Variants in OTOG observed in about 807,000 individuals in gnomAD.
The protein encoded by OTOG is otogelin.
Under a neutral mutation model 313.8 loss-of-function variants are expected in OTOG, and 296 were observed. The observed-to-expected ratio is 0.94, with a 90% CI of 0.86 to 1.04. OTOG has a LOEUF of 1.04. Ranked by LOEUF, OTOG falls within the 50% of genes least tolerant of loss-of-function variation. The pLI, the probability that OTOG is intolerant of heterozygous loss-of-function variation, is 0.00. For missense variants in OTOG, 3,948 were observed against 3,840.1 expected (o/e 1.03, Z -0.74); for synonymous variants, 1,533 against 1,554.9 (o/e 0.99, Z 0.33).
chr11:17,589,524 C>T (rs1477704755), intron 24 of OTOG, among the ~76,000 whole-genome samples: 1 of 152,200 alleles, frequency 6.6e-6, no homozygotes, highest in Non-Finnish European at 1.5e-5. Flanking sequence ...CACTTGTCCA[C>T]CTAAGGGAAC....
chr11:17,616,116 G>A (rs1046014125), intron 39 of OTOG, among the ~76,000 whole-genome samples: 5 of 151,916 alleles, frequency 3.3e-5, no homozygotes, highest in African/African-American at 1.2e-4. Context: ...CTAGAGTGTG[G>A]TGGTGCAATG....
At chr11:17,577,028 G>A (rs1201913831) in intron 22 of OTOG, 117 bp downstream of exon 22, 1 of 1,048,144 alleles carries the variant, frequency 9.5e-7, no homozygotes, top group Non-Finnish European at 1.4e-6. Context: ...CCTACATTGG[G>A]CCTTCCGTAT....
At position 17,642,330 on chromosome 11, in the gene OTOG, G is replaced by A. The variant is rs111474158; in HGVS notation, c.8415+84G>A. ...GGTGGGGTGGAGGTCCTGTGTGCAGGAGTGCAGGAAGAAGGGCTCCCTGGA... is the reference window on the plus strand; with the variant it reads ...GGTGGGGTGGAGGTCCTGTGTGCAGAAGTGCAGGAAGAAGGGCTCCCTGGA... On this transcript the variant is annotated intron_variant, in intron 53 of 55. Transcript: ENST00000399397. 6.2e-6 allele frequency: 9 copies of A among 1,449,800 alleles called. No individual in the cohort carries two copies. The African/African-American group carries it at 1.3e-4, about 21-fold the overall frequency. 89.8% of individuals were successfully genotyped at this position (1,449,800 alleles called of 1,614,324 possible). A position where few individuals can be genotyped will look rare whatever the true frequency, so the allele number is the denominator to read the frequency against.
At chr11:17,579,846 C>A in intron 23 of OTOG, among the ~76,000 whole-genome samples, 1 of 152,162 alleles carries the variant, frequency 6.6e-6, no homozygotes, top group South Asian at 2.1e-4. Flanking sequence ...GACTGGAGAC[C>A]GGGAGACCGG....
At chr11:17,596,530 T>C (rs531349293) in intron 29 of OTOG, among the ~76,000 whole-genome samples, 1 of 152,338 alleles carries the variant, frequency 6.6e-6, no homozygotes, top group South Asian at 2.1e-4. Context: ...CTGCAGGCCT[T>C]GAAGGCTGCT....
chr11:17,595,229 C>T (rs138748974), intron 28 of OTOG, among the ~76,000 whole-genome samples: 1 of 152,258 alleles, frequency 6.6e-6, no homozygotes, highest in African/African-American at 2.4e-5. Context: ...CTAACACACC[C>T]CCATTTTAGA....
At chr11:17,643,574 G>A in intron 54 of OTOG, 68 bp downstream of exon 54, 1 of 1,200,546 alleles carries the variant, frequency 8.3e-7, no homozygotes. Context: ...CATGTCAGGG[G>A]ACAGAGGACC....
In OTOG at chr11:17,558,169, C is replaced by G; in HGVS notation, c.866-16C>G. The G allele has an allele frequency of 6.5e-7, 1 of 1,550,348 alleles. No individual in the cohort carries two copies. On this transcript the variant is annotated splice_polypyrimidine_tract_variant and intron_variant, in intron 8 of 55. Coordinates refer to ENST00000399397, the MANE Select transcript of OTOG (RefSeq NM_001292063.2). ...CCCCATCGCTGCCCCATCATGATGT[C>G]AGCTCCCTCCTCCAGGGAAGCTGAC...
At chr11:17,551,948 A>C in intron 3 of OTOG, 52 bp from the exon 4 acceptor site, 1 of 1,506,968 alleles carries the variant, frequency 6.6e-7, no homozygotes, top group Non-Finnish European at 9.0e-7. Flanking sequence ...CTGCCTGGGA[A>C]CCCGTCCTGA....
intron 17 of OTOG, 89 bp downstream of exon 17, chr11:17,570,479 C>A: frequency 1.6e-6 from 2 of 1,268,184 alleles, no homozygotes; most frequent in South Asian, 1.4e-5. Flanking sequence ...ATGTCTCTCC[C>A]GTGAGCCTTC....
chr11:17,610,396 TG>T lies in OTOG; in HGVS notation c.5098del (p.Ala1700LeufsTer20). The T allele has an allele frequency of 8.4e-6, 13 of 1,550,464 alleles. No individual in the cohort carries two copies. The highest frequency in any genetic ancestry group is 1.1e-5 in the Non-Finnish European group (13 of 1,146,904). ...TCAAGTCCCAGCACCCCTCTAACTG[TG>T]GCTGGAACAGCAGCAGAACAGGTTC... ...SASSPSTPLT[V>X]AGTAAEQVPV... On this transcript the variant is annotated frameshift_variant, in exon 36 of 56. Transcript: ENST00000399397. LOFTEE classifies it high-confidence loss of function.
At chr11:17,552,676 G>T (rs1240707833) in intron 4 of OTOG, among the ~76,000 whole-genome samples, 1 of 81,730 alleles carries the variant, frequency 1.2e-5, no homozygotes, top group African/African-American at 7.4e-5. Context: ...CTTCGTCTAT[G>T]GTTGTTCTTG....
Position 17,606,076 on chromosome 11 carries a change from C to T in OTOG, c.4097C>T (p.Ala1366Val). Residue 1366 changes from alanine (A) to valine (V), a missense_variant, in exon 33 of 56, where the codon GCC becomes GTC. Coordinates refer to ENST00000399397, the MANE Select transcript of OTOG (RefSeq NM_001292063.2). ...CTCTATGTGTCGGGCGCGGTGCTGG[C>T]CCTGCGGCTGTACGAACACACAGAG... ...SFLYVSGAVL[A>V]LRLYEHTEVF... 2 of 1,550,160 alleles carry T rather than the reference C, an allele frequency of 1.3e-6. No individual in the cohort carries two copies. The highest frequency in any genetic ancestry group is 2.4e-5 in the South Asian group (2 of 84,014).
At chr11:17,583,407 A>G (rs1852718939) in intron 23 of OTOG, among the ~76,000 whole-genome samples, 1 of 152,176 alleles carries the variant, frequency 6.6e-6, no homozygotes, top group African/African-American at 2.4e-5. Flanking sequence ...TACAGGTGGG[A>G]GCCACTGCAA....
intron 39 of OTOG, among the ~76,000 whole-genome samples, chr11:17,617,774 T>C (rs1217502826): frequency 6.6e-6 from 1 of 152,252 alleles, no homozygotes; most frequent in East Asian, 1.9e-4. Flanking sequence ...TTCTCTATTA[T>C]TTTTATATTT....
intron 39 of OTOG, among the ~76,000 whole-genome samples, chr11:17,621,595 GCT>G (rs149883551): frequency 3.7e-3 from 543 of 146,612 alleles, no homozygotes; most frequent in Middle Eastern, 7.0e-3. Context: ...AAGCTTCAGA[GCT>G]CTCTCTCTCT....
Position 17,635,699 on chromosome 11 carries a change from C to T in OTOG, c.7783C>T (p.Leu2595=), listed in dbSNP as rs1440468013. The T allele has an allele frequency of 3.9e-6, 6 of 1,550,366 alleles. No individual in the cohort carries two copies. In the Admixed American group the frequency reaches 1.2e-4, roughly 30 times the overall value. ...GAATACCACGGAACTCTGCTGCCCT[C>T]TGTACCAGTGTGGTGAGTCCTGGCT... is the stretch of plus-strand genomic sequence containing the variant. ...HRNTTELCCP[L]YQCVCENFRC... is the part of the protein sequence containing the mutation. The change falls in exon 47 of 56, where the codon CTG becomes TTG. Residue 2595 remains leucine (L), a synonymous_variant. Transcript: ENST00000399397.
chr11:17,643,123 G>A (rs1401083360), intron 53 of OTOG, among the ~76,000 whole-genome samples: 1 of 152,216 alleles, frequency 6.6e-6, no homozygotes, highest in Non-Finnish European at 1.5e-5. Context: ...CAAAGTGGGT[G>A]ACCCCTGCGC....
In OTOG at chr11:17,610,996, C is replaced by A. The variant is rs894980888; in HGVS notation, c.5696C>A (p.Ser1899Tyr). Residue 1899 changes from serine (S) to tyrosine (Y), a missense_variant, in exon 36 of 56, where the codon TCT becomes TAT. Transcript: ENST00000399397. Reference sequence around the variant, plus strand: ...GCTGAGGGCACGGCCTCCATGGTATCTGTTGTCCCACGAAAGAGCACCACA... The same window carrying A: ...GCTGAGGGCACGGCCTCCATGGTATATGTTGTCCCACGAAAGAGCACCACA... ...PVAEGTASMV[S>Y]VVPRKSTTGK... 1.0e-5 allele frequency: 16 copies of A among 1,550,494 alleles called. No individual in the cohort carries two copies. In the Middle Eastern group the frequency reaches 8.3e-4, roughly 81 times the overall value.
Sources: gnomAD v4.1 joint callset for allele counts (sites outside exome capture counted in the v4.1 genomes callset) on GRCh38, gnomAD v4.1.1 for gene constraint, MANE v1.5 for transcripts, NCBI Gene and HGNC (gene_info 2026-07-23, HGNC 2026-07-21) for gene names.